Variants in TENM3 observed in about 807,000 individuals in gnomAD.
TENM3 encodes the protein teneurin-3.
A neutral mutation model predicts 255.1 loss-of-function variants in TENM3; 63 were observed. That is an observed-to-expected ratio of 0.25 (90% CI 0.20 to 0.30). The LOEUF is 0.30. Among genes scored for constraint, TENM3 ranks in the 10% least tolerant of loss-of-function variants. The pLI is 1.00. For missense variants in TENM3, 2,929 were observed against 3,461.1 expected (o/e 0.85, Z 3.86); for synonymous variants, 1,306 against 1,322.3 (o/e 0.99, Z 0.27).
chr4:182,570,536 G>T (rs1744250333), intron 3 of TENM3, among the ~76,000 whole-genome samples: 1 of 152,162 alleles, frequency 6.6e-6, no homozygotes, highest in South Asian at 2.1e-4. Flanking sequence ...ACCAGTGGCG[G>T]TAGTAAATGC....
the TENM3 span, among the ~76,000 whole-genome samples, chr4:181,493,254 T>C: frequency 2.6e-4 from 39 of 148,508 alleles, no homozygotes; most frequent in Non-Finnish European, 4.9e-4. Flanking sequence ...TAGGATCATG[T>C]CACTGCACTT....
the TENM3 span, among the ~76,000 whole-genome samples, chr4:181,923,333 A>G: frequency 4.6e-5 from 7 of 152,098 alleles, no homozygotes; most frequent in Non-Finnish European, 8.8e-5. Context: ...AAACAAAATG[A>G]AAAAAGGTTG....
At chr4:182,194,154 C>T (rs1222457801) in intron 1 of TENM3, among the ~76,000 whole-genome samples, 8 of 152,248 alleles carry the variant, frequency 5.3e-5, no homozygotes, top group South Asian at 4.1e-4. Flanking sequence ...GTGTACTTCA[C>T]CAGTTTCAAG....
intron 3 of TENM3, among the ~76,000 whole-genome samples, chr4:182,388,593 C>G (rs565569742): frequency 6.6e-6 from 1 of 152,314 alleles, no homozygotes; most frequent in African/African-American, 2.4e-5. Flanking sequence ...CAAAAATGCT[C>G]TGCTGGCTTT....
Position 182,479,726 on chromosome 4 carries a change from T to A in TENM3, c.512-121198T>A, listed in dbSNP as rs576597898. ...GGATCTACTGATAAATTGTTTTTTG[T>A]CATTTTCCATTCTATGGAGAATTCT... is the stretch of plus-strand genomic sequence containing the variant. On this transcript the variant is annotated intron_variant, in intron 3 of 27. Transcript: ENST00000511685. Among the ~76,000 whole-genome samples the A allele has an allele frequency of 5.3e-5, 8 of 152,168 alleles. No homozygotes were observed. In the South Asian group the frequency reaches 1.7e-3, roughly 32 times the overall value.
At chr4:181,798,480 T>C in the TENM3 span, among the ~76,000 whole-genome samples, 1 of 152,018 alleles carries the variant, frequency 6.6e-6, no homozygotes, top group Non-Finnish European at 1.5e-5. Context: ...GGGCTTCCGC[T>C]AGTACATCTG....
intron 3 of TENM3, among the ~76,000 whole-genome samples, chr4:182,403,389 C>T (rs1769334405): frequency 6.6e-6 from 1 of 152,142 alleles, no homozygotes; most frequent in African/African-American, 2.4e-5. Flanking sequence ...GACTGCTATA[C>T]CTTGTAACTT....
At chr4:181,973,219 G>A in the TENM3 span, among the ~76,000 whole-genome samples, 3 of 152,126 alleles carry the variant, frequency 2.0e-5, no homozygotes, top group Admixed American at 1.3e-4. Context: ...ACAACTGGAA[G>A]GCATCAATTT....
the TENM3 span, among the ~76,000 whole-genome samples, chr4:181,603,575 CA>C: frequency 6.6e-6 from 1 of 152,008 alleles, no homozygotes; most frequent in Non-Finnish European, 1.5e-5. Flanking sequence ...ATTAGTCCCT[CA>C]ATGTTTCCTC....
chr4:182,323,108 G>A (rs1237067217), intron 1 of TENM3, among the ~76,000 whole-genome samples: 7 of 152,042 alleles, frequency 4.6e-5, no homozygotes, highest in Admixed American at 2.0e-4. Context: ...GTCTTTTGCC[G>A]GCAGACCCTT....
At chr4:182,015,745 G>C in the TENM3 span, among the ~76,000 whole-genome samples, 1 of 152,004 alleles carries the variant, frequency 6.6e-6, no homozygotes, top group South Asian at 2.1e-4. Context: ...ATTTTTAGTA[G>C]AGATGGGGTT....
chr4:181,511,054 A>G, the TENM3 span, among the ~76,000 whole-genome samples: 3 of 152,206 alleles, frequency 2.0e-5, no homozygotes, highest in Non-Finnish European at 4.4e-5. Context: ...GAAAATAGTT[A>G]AAATATCAGA....
At chr4:182,243,832 T>G (rs1006747099) in intron 1 of TENM3, among the ~76,000 whole-genome samples, 1 of 152,016 alleles carries the variant, frequency 6.6e-6, no homozygotes, top group African/African-American at 2.4e-5. Context: ...CTTTTGTGAC[T>G]GAGGTTCCAG....
chr4:181,800,968 T>A, the TENM3 span, among the ~76,000 whole-genome samples: 2 of 152,294 alleles, frequency 1.3e-5, no homozygotes, highest in South Asian at 4.1e-4. Flanking sequence ...GCAGTATAAC[T>A]GCTGGCAAAG....
At chr4:181,518,736 T>C in the TENM3 span, among the ~76,000 whole-genome samples, 1 of 152,142 alleles carries the variant, frequency 6.6e-6, no homozygotes, top group Non-Finnish European at 1.5e-5. Flanking sequence ...CAGGGCTTGG[T>C]TTTTATAACG....
At chr4:181,667,774 G>C in the TENM3 span, among the ~76,000 whole-genome samples, 630 of 152,214 alleles carry the variant, frequency 4.1e-3, 4 homozygotes, top group African/African-American at 0.015. Context: ...TAGCCTCACA[G>C]AATGGGCTAA....
Position 182,549,128 on chromosome 4 carries a change from A to G in TENM3, c.512-51796A>G, listed in dbSNP as rs186017327. 3.4e-4 allele frequency among the ~76,000 whole-genome samples: 52 copies of G among 152,358 alleles called. No homozygotes were observed. The Middle Eastern group carries it at 0.014, about 40-fold the overall frequency. On this transcript the variant is annotated intron_variant, in intron 3 of 27. Transcript: ENST00000511685. ...TCTAATGTGTCCGGTGACACTGCAG[A>G]AAATGTAAATTTCCCTGGAACCATG...
the TENM3 span, among the ~76,000 whole-genome samples, chr4:181,606,428 G>A: frequency 1.1e-4 from 16 of 152,146 alleles, no homozygotes; most frequent in Non-Finnish European, 2.2e-4. Flanking sequence ...TCTTTGCTGA[G>A]AATGCCCTTT....
At chr4:181,542,719 G>A in the TENM3 span, among the ~76,000 whole-genome samples, 2 of 152,166 alleles carry the variant, frequency 1.3e-5, no homozygotes, top group African/African-American at 4.8e-5. Context: ...AATAACAGCA[G>A]AAGAATTCAT....
Sources: allele counts gnomAD v4.1 joint callset (sites outside exome capture counted in the v4.1 genomes callset), GRCh38; gene constraint gnomAD v4.1.1; transcripts MANE v1.5; gene names NCBI Gene and HGNC (gene_info 2026-07-23, HGNC 2026-07-21).